Variants in HIVEP2 observed in about 807,000 individuals in gnomAD.
The protein encoded by HIVEP2 is HIVEP zinc finger 2, also known as transcription factor HIVEP2.
A neutral mutation model predicts 180.7 loss-of-function variants in HIVEP2; 14 were observed. That is an observed-to-expected ratio of 0.08 (90% CI 0.05 to 0.12). The LOEUF is 0.12. Among genes scored for constraint, HIVEP2 ranks in the 10% least tolerant of loss-of-function variants. The probability of loss-of-function intolerance (pLI) is 1.00; values close to 1 mark genes in which losing one functional copy is unlikely to be tolerated. For synonymous variants in HIVEP2, 1,184 were observed against 1,136.4 expected (o/e 1.04, Z -0.84); for missense variants, 2,579 against 3,008.5 (o/e 0.86, Z 3.34).
At position 142,785,037 on chromosome 6, in the gene HIVEP2, A is replaced by G. The variant is rs1245398285; in HGVS notation, c.-527-1422T>C. Among the ~76,000 whole-genome samples, 5 of 151,714 alleles carry G rather than the reference A, an allele frequency of 3.3e-5. No homozygotes were observed. In the East Asian group the frequency reaches 9.8e-4, roughly 30 times the overall value. On this transcript the variant is annotated intron_variant, in intron 2 of 9. Coordinates refer to ENST00000367603, the MANE Select transcript of HIVEP2 (RefSeq NM_006734.4). ...CAAGTAGCTGGGACTACAGGCACCC[A>G]CCACCACGCCCAGCTAATTTTTTTG...
intron 1 of HIVEP2, among the ~76,000 whole-genome samples, chr6:142,905,036 G>A (rs1368145306): frequency 6.6e-6 from 1 of 151,918 alleles, no homozygotes; most frequent in African/African-American, 2.4e-5. Context: ...TGATGATTTG[G>A]GTTGCCCACT....
chr6:142,811,721 C>G (rs1444244542), intron 2 of HIVEP2, among the ~76,000 whole-genome samples: 1 of 152,200 alleles, frequency 6.6e-6, no homozygotes, highest in Non-Finnish European at 1.5e-5. Context: ...CCTCACCCCC[C>G]ATGTTAAGTG....
At chr6:142,814,074 A>G (rs1416424966) in intron 2 of HIVEP2, among the ~76,000 whole-genome samples, 1 of 151,886 alleles carries the variant, frequency 6.6e-6, no homozygotes, top group African/African-American at 2.4e-5. Context: ...AAGCAGAAGC[A>G]AGGAGATGAC....
At chr6:142,818,446 G>A (rs1429442706) in intron 2 of HIVEP2, among the ~76,000 whole-genome samples, 1 of 152,042 alleles carries the variant, frequency 6.6e-6, no homozygotes, top group Non-Finnish European at 1.5e-5. Context: ...GGAGGCCAAA[G>A]CGGGTGGATC....
chr6:142,792,053 G>A (rs1308495407), intron 2 of HIVEP2, among the ~76,000 whole-genome samples: 1 of 152,122 alleles, frequency 6.6e-6, no homozygotes, highest in Non-Finnish European at 1.5e-5. Flanking sequence ...CAAGAGAAGG[G>A]GTATTGGAGA....
Position 142,753,190 on chromosome 6 carries a change from A to T in HIVEP2, c.7258T>A (p.Leu2420Met). 2.5e-6 allele frequency: 4 copies of T among 1,613,946 alleles called. No individual in the cohort carries two copies. Among genetic ancestry groups the T allele is most frequent in the Non-Finnish European group, 3.4e-6 (4 of 1,179,800 alleles). The change falls in exon 10 of 10, where the codon TTG becomes ATG. Residue 2420 changes from leucine to methionine, a missense_variant. Physicochemically the swap from Leu to Met is conservative, Grantham distance 15. Around this residue, in one of 11 missense-constraint regions of HIVEP2, gnomAD observed 660 missense variants for 731.7 expected, o/e 0.90. Coordinates refer to ENST00000367603, the MANE Select transcript of HIVEP2 (RefSeq NM_006734.4). ...YSKSCVDDKQ[L>M]DFHSSKELSS... ...AATTCCTTGCTGCTGTGAAAGTCCA[A>T]CTGCTTGTCATCCACACAACTCTTG... is the stretch of plus-strand genomic sequence containing the variant.
intron 1 of HIVEP2, among the ~76,000 whole-genome samples, chr6:142,864,583 C>G (rs1244403663): frequency 1.3e-5 from 2 of 152,160 alleles, no homozygotes; most frequent in African/African-American, 2.4e-5. Flanking sequence ...GGAGTCTACA[C>G]AAGACACTTG....
At chr6:142,884,923 CTGA>C (rs1423459223) in intron 1 of HIVEP2, among the ~76,000 whole-genome samples, 3 of 152,086 alleles carry the variant, frequency 2.0e-5, no homozygotes, top group Non-Finnish European at 4.4e-5. Flanking sequence ...TCAAAGCATG[CTGA>C]TAAGAGGTGC....
At chr6:142,807,231 T>G (rs1191950718) in intron 2 of HIVEP2, among the ~76,000 whole-genome samples, 7 of 152,156 alleles carry the variant, frequency 4.6e-5, no homozygotes, top group Non-Finnish European at 8.8e-5. Context: ...CTAGGAACTG[T>G]AAGACTGGAA....
At chr6:142,909,335 T>C (rs1777343742) in intron 1 of HIVEP2, among the ~76,000 whole-genome samples, 1 of 152,184 alleles carries the variant, frequency 6.6e-6, no homozygotes, top group Non-Finnish European at 1.5e-5. Context: ...AAAGATGCTG[T>C]GTTTACATAG....
chr6:142,839,674 G>A (rs1775314526), intron 1 of HIVEP2, among the ~76,000 whole-genome samples: 3 of 152,214 alleles, frequency 2.0e-5, no homozygotes, highest in Admixed American at 2.0e-4. Flanking sequence ...CACTCCCTGG[G>A]AGCAGTTGAA....
intron 1 of HIVEP2, among the ~76,000 whole-genome samples, chr6:142,908,849 C>T (rs1777331614): frequency 8.4e-6 from 1 of 118,814 alleles, no homozygotes; most frequent in South Asian, 2.8e-4. Context: ...TAAGATACCA[C>T]CTCTCAAAAA....
At chr6:142,794,012 TGGGA>T (rs1048027443) in intron 2 of HIVEP2, 4 of 152,114 alleles carry the variant, frequency 2.6e-5, no homozygotes, top group African/African-American at 9.7e-5. Flanking sequence ...TGAAGTGATA[TGGGA>T]GAAATTTATC....
chr6:142,770,032 T>C lies in HIVEP2; in HGVS notation c.4707A>G (p.Leu1569=), dbSNP rs1407551008. 2 of 1,614,176 alleles carry C rather than the reference T, an allele frequency of 1.2e-6. No homozygotes were observed. Among genetic ancestry groups the C allele is most frequent in the Non-Finnish European group, 1.7e-6 (2 of 1,180,036 alleles). The change falls in exon 5 of 10, where the codon TTA becomes TTG. Residue 1569 remains leucine, a synonymous_variant. Coordinates refer to ENST00000367603, the MANE Select transcript of HIVEP2 (RefSeq NM_006734.4). This position sits in a 1 kb window ranked among gnomAD's most constrained non-coding sequence, Gnocchi z 4.7. ...TGTCCGATGCCGTCTCATCGATATC[T>C]AATTCATCTGAAGATTCTTTGCTTT... ...PSESKESSDE[L]DIDETASDMS...
At chr6:142,833,401 G>A (rs1183558732) in intron 2 of HIVEP2, among the ~76,000 whole-genome samples, 1 of 152,132 alleles carries the variant, frequency 6.6e-6, no homozygotes, top group Non-Finnish European at 1.5e-5. Context: ...TGAAAAATGA[G>A]AGGCTCCTTC....
At chr6:142,918,784 C>T (rs748698557) in intron 1 of HIVEP2, among the ~76,000 whole-genome samples, 1 of 152,148 alleles carries the variant, frequency 6.6e-6, no homozygotes, top group Admixed American at 6.5e-5. Context: ...TGTATTTTCT[C>T]ATGACAAAAC....
Position 142,774,689 on chromosome 6 carries a change from C to T in HIVEP2, c.50G>A (p.Gly17Glu). The change falls in exon 5 of 10, where the codon GGA becomes GAA. Residue 17 changes from glycine to glutamate, a missense_variant. By Grantham distance (98) the Gly-to-Glu change is moderately conservative. Transcript: ENST00000367603. The surrounding 1 kb of genome is among the most constrained non-coding windows in gnomAD (Gnocchi z 5.1). ...TCTACCTGATGCTTTATCAGTTTCT[C>T]CAGACCTTGAGGTAGCTTTTTGTCC... ...ALGQKATSRS[G>E]ETDKASGRWR... is the part of the protein sequence containing the mutation. The T allele has an allele frequency of 6.2e-7, 1 of 1,614,184 alleles. No homozygotes were observed. The highest frequency in any genetic ancestry group is 8.5e-7 in the Non-Finnish European group (1 of 1,180,006).
At chr6:142,889,144 T>G (rs1237026253) in intron 1 of HIVEP2, among the ~76,000 whole-genome samples, 2 of 152,182 alleles carry the variant, frequency 1.3e-5, no homozygotes, top group Non-Finnish European at 2.9e-5. Flanking sequence ...TGAACTAAAG[T>G]GGACTGAATG....
intron 1 of HIVEP2, among the ~76,000 whole-genome samples, chr6:142,842,400 C>T (rs1775387003): frequency 6.6e-6 from 1 of 151,902 alleles, no homozygotes; most frequent in East Asian, 1.9e-4. Flanking sequence ...GTTTACATAA[C>T]CGATATGGTA....
Sources: allele counts gnomAD v4.1 joint callset (sites outside exome capture counted in the v4.1 genomes callset), GRCh38; gene constraint gnomAD v4.1.1; regional missense constraint gnomAD v4.1.1; non-coding constraint Gnocchi (gnomAD v3.1); transcripts MANE v1.5; gene names NCBI Gene and HGNC (gene_info 2026-07-23, HGNC 2026-07-21).